UBAP2L: variants seen among roughly 807,000 people sequenced by gnomAD.
UBAP2L encodes ubiquitin associated protein 2 like, also known as ubiquitin-associated protein 2-like.
Under a neutral mutation model 130.6 loss-of-function variants are expected in UBAP2L, and 12 were observed. The observed-to-expected ratio is 0.09, with a 90% CI of 0.06 to 0.15. The LOEUF is 0.15. UBAP2L is among the 10% of genes least tolerant of loss of function. The pLI is 1.00. For missense variants in UBAP2L, 965 were observed against 1,332.5 expected (o/e 0.72, Z 4.29); for synonymous variants, 503 against 524.7 (o/e 0.96, Z 0.57).
rs1435204675 is a variant in UBAP2L, at chr1:154,255,188, C to G, written c.1946C>G (p.Ser649Cys). ...TGSAVKSDSPSTSSIPPLNET... is the reference protein window; with the variant it reads ...TGSAVKSDSPCTSSIPPLNET... ...TCTGCAGTGAAATCTGATTCACCTT[C>G]CACTTCTAGCATCCCCCCTCTCAAT... Residue 649 changes from serine to cysteine, a missense_variant, in exon 17 of 27, where the codon TCC becomes TGC. Physicochemically the swap from Ser to Cys is moderately radical, Grantham distance 112. Coordinates refer to ENST00000428931, the MANE Select transcript of UBAP2L (RefSeq NM_014847.4). The G allele has an allele frequency of 6.2e-7, 1 of 1,614,098 alleles. No homozygotes were observed. Among genetic ancestry groups the G allele is most frequent in the Non-Finnish European group, 8.5e-7 (1 of 1,179,974 alleles).
In UBAP2L at chr1:154,267,880, C is replaced by CTTTTTTTTTT. The variant is rs869153080; in HGVS notation, c.2971-860_2971-851dup. On this transcript the variant is annotated intron_variant, in intron 25 of 26. Coordinates refer to ENST00000428931, the MANE Select transcript of UBAP2L (RefSeq NM_014847.4). Reference sequence around the variant, plus strand: ...TCCACATTCCATCCTCTTATTTGGTCTTTTTTTTTTTTTTTTTTTTTTTTT... The same window carrying CTTTTTTTTTT: ...TCCACATTCCATCCTCTTATTTGGTCTTTTTTTTTTTTTTTTTTTTTTTTTTTTTTTTTTT... Among the ~76,000 whole-genome samples, 245 of 52,080 alleles carry CTTTTTTTTTT rather than the reference C, an allele frequency of 4.7e-3. 48 individuals carry two copies. The highest frequency in any genetic ancestry group is 9.9e-3 in the East Asian group (17 of 1,712). 34.2% of individuals were successfully genotyped at this position (52,080 alleles called of 152,430 possible). A position where few individuals can be genotyped will look rare whatever the true frequency, so the allele number is the denominator to read the frequency against.
At chr1:154,227,548 G>GT (rs140500910) in intron 3 of UBAP2L, among the ~76,000 whole-genome samples, 189 bp downstream of exon 3, 13,957 of 149,284 alleles carry the variant, frequency 0.093, 1,111 homozygotes, top group East Asian at 0.42. Context: ...CCTTTGTTTT[G>GT]TTTTTTGTTT....
intron 24 of UBAP2L, among the ~76,000 whole-genome samples, chr1:154,262,224 A>T (rs1367633303): frequency 6.6e-6 from 1 of 152,196 alleles, no homozygotes; most frequent in Non-Finnish European, 1.5e-5. Flanking sequence ...CATACTTAAT[A>T]GAGTGGGAAT....
chr1:154,232,440 T>G (rs1670174995), intron 4 of UBAP2L, among the ~76,000 whole-genome samples: 1 of 152,198 alleles, frequency 6.6e-6, no homozygotes, highest in African/African-American at 2.4e-5. Flanking sequence ...TTAAAAACTT[T>G]TAAGTTTACA....
At chr1:154,263,292 T>A in intron 24 of UBAP2L, 1 of 1,476,934 alleles carries the variant, frequency 6.8e-7, no homozygotes, top group Non-Finnish European at 9.0e-7. Flanking sequence ...AGTTGGTGGA[T>A]ACCTTCTGGG....
chr1:154,232,099 C>T (rs1206377953), intron 4 of UBAP2L, among the ~76,000 whole-genome samples: 2 of 151,988 alleles, frequency 1.3e-5, no homozygotes, highest in Admixed American at 6.6e-5. Context: ...GAGGCCATGG[C>T]GGGCGGATCA....
intron 1 of UBAP2L, among the ~76,000 whole-genome samples, chr1:154,223,015 G>T (rs1329878464): frequency 6.6e-6 from 1 of 152,178 alleles, no homozygotes; most frequent in African/African-American, 2.4e-5. Context: ...CATCTCCAGT[G>T]TGATAGCTGG....
downstream of UBAP2L, chr1:154,270,939 GCCT>G: frequency 6.5e-7 from 1 of 1,550,172 alleles, no homozygotes; most frequent in Non-Finnish European, 8.7e-7. Context: ...TACCAACTGG[GCCT>G]CCTCTAGCAG....
rs143798776 is a variant in UBAP2L at position 154,246,842 on chromosome 1, A to G, written c.1014+467A>G. On this transcript the variant is annotated intron_variant, in intron 11 of 26. Transcript: ENST00000428931. ...GGTCTTCCCATTTCTGCCACTTACT[A>G]GCTGTGTCTCCATTTCTATGTAAAT... Among the ~76,000 whole-genome samples, 94 of 151,700 alleles carry G rather than the reference A, an allele frequency of 6.2e-4. 1 individual carries two copies. The highest frequency in any genetic ancestry group is 2.2e-3 in the African/African-American group (92 of 40,984).
chr1:154,241,410 A>C, intron 8 of UBAP2L, 103 bp from the exon 9 acceptor site: 1 of 1,147,722 alleles, frequency 8.7e-7, no homozygotes, highest in Non-Finnish European at 1.3e-6. Context: ...AATTTTAGTC[A>C]TACTTTTGGC....
At position 154,249,252 on chromosome 1, in the gene UBAP2L, G is replaced by A; in HGVS notation, c.1028G>A (p.Gly343Glu). 2 of 1,614,116 alleles carry A rather than the reference G, an allele frequency of 1.2e-6. No individual in the cohort carries two copies. Among genetic ancestry groups the A allele is most frequent in the Non-Finnish European group, 1.7e-6 (2 of 1,180,036 alleles). ...FSHHSMVSML[G>E]KGFGDVGEAK... The stretch of plus-strand genomic sequence containing the variant: ...GTTGATCTACAGGTGAGCATGTTAG[G>A]GAAAGGATTTGGTGATGTCGGTGAA... Residue 343 changes from glycine (G) to glutamate (E), a missense_variant, in exon 12 of 27, where the codon GGG (glycine) becomes GAG (glutamate). This residue lies in a region of UBAP2L where 99 missense variants were observed against 106.4 expected (regional missense o/e 0.93). Transcript: ENST00000428931.
At position 154,263,185 on chromosome 1, in the gene UBAP2L, G is replaced by C; in HGVS notation, c.2902+1488G>C. On this transcript the variant is annotated intron_variant, in intron 24 of 26. Coordinates refer to ENST00000428931, the MANE Select transcript of UBAP2L (RefSeq NM_014847.4). ...CAAGGCTGGGGGCTGTGTTTTGTGT[G>C]TGTGTATAAATTTGCACTGAAGTCT... 2 of 1,551,138 alleles carry C rather than the reference G, an allele frequency of 1.3e-6. 1 individual carries two copies. Among genetic ancestry groups the C allele is most frequent in the South Asian group, 2.4e-5 (2 of 83,872 alleles).
At chr1:154,253,822 A>T in intron 14 of UBAP2L, 78 bp from the exon 15 acceptor site, 1 of 1,409,798 alleles carries the variant, frequency 7.1e-7, no homozygotes, top group East Asian at 2.4e-5. Flanking sequence ...TTCCACTAGT[A>T]GATCTCCACG....
chr1:154,235,145 G>T, intron 5 of UBAP2L, 51 bp from the exon 6 acceptor site: 1 of 715,562 alleles, frequency 1.4e-6, no homozygotes, highest in East Asian at 2.6e-5. Context: ...GGCCATCTGT[G>T]GTTTGGTTTT....
chr1:154,250,770 C>T (rs967970090), intron 12 of UBAP2L, among the ~76,000 whole-genome samples: 1 of 151,350 alleles, frequency 6.6e-6, no homozygotes, highest in Non-Finnish European at 1.5e-5. Context: ...TTGCTTTAAC[C>T]CAGGAGTCGG....
rs772108920 is a variant in UBAP2L at position 154,260,962 on chromosome 1, A to G, written c.2649A>G (p.Gln883=). 8.1e-6 allele frequency: 13 copies of G among 1,614,022 alleles called. No homozygotes were observed. The highest frequency in any genetic ancestry group is 1.1e-5 in the Non-Finnish European group (13 of 1,180,036). ...PAPATTLAQP[Q]QNQTQTHHTT... Reference sequence around the variant, plus strand: ...CGGCCACAACCTTGGCCCAACCCCAACAGAACCAGACGCAGACTCACCATA... The same window carrying G: ...CGGCCACAACCTTGGCCCAACCCCAGCAGAACCAGACGCAGACTCACCATA... Residue 883 remains glutamine, a synonymous_variant, in exon 23 of 27, where the codon CAA becomes CAG. Transcript: ENST00000428931.
intron 8 of UBAP2L, among the ~76,000 whole-genome samples, chr1:154,240,583 C>T (rs535652503): frequency 2.0e-5 from 3 of 152,166 alleles, no homozygotes; most frequent in Non-Finnish European, 4.4e-5. Context: ...TCTATAGGGG[C>T]TTTTCTTATA....
At chr1:154,234,904 A>ATC in intron 5 of UBAP2L, 145 bp downstream of exon 5, 1 of 1,103,640 alleles carries the variant, frequency 9.1e-7, no homozygotes, top group Non-Finnish European at 1.3e-6. Flanking sequence ...AGACCTTGAC[A>ATC]TCTCTTGCAT....
rs541015879 is a variant in UBAP2L, at chr1:154,235,496, G to A, written c.544+205G>A. On this transcript the variant is annotated intron_variant, in intron 6 of 26. Coordinates refer to ENST00000428931, the MANE Select transcript of UBAP2L (RefSeq NM_014847.4). Reference sequence around the variant, plus strand: ...GCCTCCCTAGTAGCTAAGACTACAGGTGGCCGCCAGTATGCCTGGCTAATT... The same window carrying A: ...GCCTCCCTAGTAGCTAAGACTACAGATGGCCGCCAGTATGCCTGGCTAATT... Among the ~76,000 whole-genome samples, 13 of 152,144 alleles carry A rather than the reference G, an allele frequency of 8.5e-5. No individual in the cohort carries two copies. In the South Asian group the frequency reaches 2.7e-3, roughly 32 times the overall value.
Sources: gnomAD v4.1 joint callset for allele counts (sites outside exome capture counted in the v4.1 genomes callset) on GRCh38, gnomAD v4.1.1 for gene constraint, gnomAD v4.1.1 regional missense constraint, MANE v1.5 for transcripts, NCBI Gene and HGNC (gene_info 2026-07-23, HGNC 2026-07-21) for gene names.